The following PNN variants were observed in gnomAD, a reference collection of about 807,000 sequenced individuals.
PNN encodes pinin.
A neutral mutation model predicts 76.6 loss-of-function variants in PNN; 38 were observed. The observed-to-expected ratio is 0.50, with a 90% CI of 0.38 to 0.65. PNN has a LOEUF of 0.65. Among genes scored for constraint, PNN ranks in the 30% least tolerant of loss-of-function variants. The pLI, the probability that PNN is intolerant of heterozygous loss-of-function variation, is 0.00. For missense variants in PNN, 873 were observed against 874.1 expected, an observed-to-expected ratio of 1.00 and a Z score of 0.02; for synonymous variants, 366 against 283.7, an observed-to-expected ratio of 1.29 and a Z score of -2.91.
At position 39,177,583 on chromosome 14, in the gene PNN, T is replaced by A. The variant is rs866986463; in HGVS notation, c.328-10T>A. On this transcript the variant is annotated splice_polypyrimidine_tract_variant and intron_variant, in intron 4 of 8. Transcript: ENST00000216832. Reference sequence around the variant, plus strand: ...GCTAGTTAAATTACTGAGATTTTCTTTTTCTGCAGCCAGCATTGCAGTCTT... The same window carrying A: ...GCTAGTTAAATTACTGAGATTTTCTATTTCTGCAGCCAGCATTGCAGTCTT... 11 of 1,612,750 alleles carry A rather than the reference T, an allele frequency of 6.8e-6. No homozygotes were observed. In the African/African-American group the frequency reaches 1.3e-4, roughly 20 times the overall value.
At chr14:39,177,788 G>A in intron 5 of PNN, 53 bp from the exon 6 acceptor site, 1 of 1,481,560 alleles carries the variant, frequency 6.7e-7, no homozygotes, top group Non-Finnish European at 9.4e-7. Context: ...AAAATGATGG[G>A]TTTAAATGAA....
chr14:39,178,566 CT>C (rs966858344), intron 6 of PNN, among the ~76,000 whole-genome samples: 45 of 148,006 alleles, frequency 3.0e-4, no homozygotes, highest in Middle Eastern at 3.4e-3. Flanking sequence ...ATGCAGATAC[CT>C]TTTTTTTTTC....
chr14:39,179,380 A>G lies in PNN; in HGVS notation c.711A>G (p.Thr237=). ...AKIIKYIRTK[T]KPHLFYIPGR... is the part of the protein sequence containing the mutation. ...TAATTAAATATATAAGAACTAAGAC[A>G]AAGCCCCATTTGTTTTATATTCCTG... Residue 237 remains threonine, a synonymous_variant, in exon 8 of 9, where the codon ACA becomes ACG. Coordinates refer to ENST00000216832, the MANE Select transcript of PNN (RefSeq NM_002687.4). 6.2e-7 allele frequency: 1 copy of G among 1,611,790 alleles called. No homozygotes were observed. The highest frequency in any genetic ancestry group is 8.5e-7 in the Non-Finnish European group (1 of 1,178,006).
intron 8 of PNN, 102 bp from the exon 9 acceptor site, chr14:39,180,399 CAA>C (rs2053260395): frequency 7.9e-7 from 1 of 1,261,432 alleles, no homozygotes; most frequent in African/African-American, 1.5e-5. Context: ...TTTACAAAAA[CAA>C]ATTCAGATGA....
chr14:39,180,366 T>TTG, intron 8 of PNN, 137 bp from the exon 9 acceptor site: 1 of 843,174 alleles, frequency 1.2e-6, no homozygotes, highest in South Asian at 2.2e-5. Context: ...GGTTACTTAA[T>TTG]TGCCATAATC....
intron 8 of PNN, among the ~76,000 whole-genome samples, chr14:39,180,250 GA>G (rs1372738896): frequency 6.6e-6 from 1 of 152,126 alleles, no homozygotes; most frequent in Non-Finnish European, 1.5e-5. Flanking sequence ...CATAAAGATT[GA>G]TCTGTTTTCT....
intron 1 of PNN, chr14:39,175,766 C>T (rs577707829): frequency 2.1e-6 from 1 of 471,026 alleles, no homozygotes; most frequent in East Asian, 4.4e-5. Flanking sequence ...CGGGACGCAA[C>T]AAGCCGCCTT....
At chr14:39,179,059 G>T (rs1005853721) in intron 6 of PNN, 32 bp from the exon 7 acceptor site, 4 of 1,588,258 alleles carry the variant, frequency 2.5e-6, no homozygotes, top group Non-Finnish European at 2.6e-6. Context: ...ATTTCAACAC[G>T]TAAGTATTAA....
Position 39,179,087 on chromosome 14 carries a change from T to C in PNN, c.499-4T>C, listed in dbSNP as rs1342415632. 2 of 1,608,704 alleles carry C rather than the reference T, an allele frequency of 1.2e-6. No individual in the cohort carries two copies. Among genetic ancestry groups the C allele is most frequent in the Non-Finnish European group, 1.7e-6 (2 of 1,178,796 alleles). On this transcript the variant is annotated splice_region_variant and splice_polypyrimidine_tract_variant and intron_variant, in intron 6 of 8. Coordinates refer to ENST00000216832, the MANE Select transcript of PNN (RefSeq NM_002687.4). The stretch of plus-strand genomic sequence containing the variant: ...AGTATTAAAGCAGGCTACTTAACTT[T>C]TAGCAAAAGCGGCGCCAGGAAATTG...
Position 39,181,892 on chromosome 14 carries a change from C to A in PNN, c.*29C>A. On this transcript the variant is annotated 3_prime_UTR_variant, in exon 9 of 9. Transcript: ENST00000216832. ...AAGAAGCCAGGCTTTCTTAGCCATT[C>A]TTTGCAGCAGAAGATTTCTTGATAA... is the stretch of plus-strand genomic sequence containing the variant. The A allele has an allele frequency of 1.3e-6, 2 of 1,531,180 alleles. No individual in the cohort carries two copies. Among genetic ancestry groups the A allele is most frequent in the Non-Finnish European group, 1.7e-6 (2 of 1,148,082 alleles). The allele number at this position is 1,531,180 out of a possible 1,614,324, so 94.8% of individuals were successfully genotyped here. A position where few individuals can be genotyped will look rare whatever the true frequency, so the allele number is the denominator to read the frequency against.
At chr14:39,177,290 G>A in intron 3 of PNN, 122 bp from the exon 4 acceptor site, 1 of 730,864 alleles carries the variant, frequency 1.4e-6, no homozygotes, top group Non-Finnish European at 2.3e-6. Context: ...GGAGGATGAG[G>A]CAGGAGGATC....
intron 3 of PNN, 131 bp from the exon 4 acceptor site, chr14:39,177,281 G>T: frequency 1.5e-6 from 1 of 687,544 alleles, no homozygotes; most frequent in Non-Finnish European, 2.5e-6. Flanking sequence ...AGCTGCTTGG[G>T]AGGATGAGGC....
In PNN at chr14:39,177,430, G is replaced by A. The variant is rs1303545175; in HGVS notation, c.273G>A (p.Arg91=). 2 of 1,613,956 alleles carry A rather than the reference G, an allele frequency of 1.2e-6. No homozygotes were observed. Among genetic ancestry groups the A allele is most frequent in the Admixed American group, 3.3e-5 (2 of 60,012 alleles). ...ATGACAGGCTGGGCGGGGAGCGTCG[G>A]ACCAGAAGAGAATCACGCCAGGAAA... ...GAVSRLGGER[R]TRRESRQESD... The change falls in exon 4 of 9, where the codon CGG becomes CGA. Residue 91 remains arginine, a synonymous_variant. Coordinates refer to ENST00000216832, the MANE Select transcript of PNN (RefSeq NM_002687.4).
chr14:39,175,308 A>C lies in PNN; in HGVS notation c.29A>C (p.Glu10Ala). The C allele has an allele frequency of 6.2e-7, 1 of 1,609,994 alleles. No individual in the cohort carries two copies. Among genetic ancestry groups the C allele is most frequent in the African/African-American group, 1.3e-5 (1 of 74,832 alleles). The change falls in exon 1 of 9, where the codon GAA becomes GCA. Residue 10 changes from glutamate (E) to alanine (A), a missense_variant. Glu to Ala is a moderately radical substitution (Grantham distance 107). Transcript: ENST00000216832. MAVAVRTLQ[E>A]QLEKAKESLK... is the part of the protein sequence containing the mutation. ...GCGGTCGCCGTGAGAACTTTGCAGG[A>C]ACAGCTGGAAAAGGCCAAAGAGAGT...
At position 39,182,722 on chromosome 14, in the gene PNN, T is replaced by C. The variant is rs536087060; in HGVS notation, c.*859T>C. ...GTCTTAACTTTGTGTTGGCTCTAACTTAAACATGCTGATATGTGTTTTCAA... is the reference window on the plus strand; with the variant it reads ...GTCTTAACTTTGTGTTGGCTCTAACCTAAACATGCTGATATGTGTTTTCAA... On this transcript the variant is annotated 3_prime_UTR_variant, in exon 9 of 9. Transcript: ENST00000216832. 6.5e-6 allele frequency: 1 copy of C among 152,774 alleles called. No homozygotes were observed. The highest frequency in any genetic ancestry group is 2.1e-4 in the South Asian group (1 of 4,830). 9.5% of individuals were successfully genotyped at this position (152,774 alleles called of 1,614,324 possible). A position where few individuals can be genotyped will look rare whatever the true frequency, so the allele number is the denominator to read the frequency against.
intron 1 of PNN, 68 bp downstream of exon 1, chr14:39,175,460 G>T: frequency 1.1e-6 from 1 of 921,212 alleles, no homozygotes. Context: ...GGTGAATTGG[G>T]GGCGGGGAGG....
chr14:39,176,383 T>G, intron 2 of PNN, 144 bp from the exon 3 acceptor site: 1 of 676,862 alleles, frequency 1.5e-6, no homozygotes, highest in Non-Finnish European at 2.5e-6. Context: ...AAAGTAACAC[T>G]ATAAAAGCAT....
chr14:39,176,714 C>A, intron 3 of PNN, 119 bp downstream of exon 3: 5 of 657,388 alleles, frequency 7.6e-6, no homozygotes, highest in Non-Finnish European at 1.3e-5. Context: ...TATGCCACTC[C>A]CTGCCCCCCC....
chr14:39,175,660 G>A (rs1426765604), intron 1 of PNN: 2 of 507,126 alleles, frequency 3.9e-6, no homozygotes, highest in Non-Finnish European at 6.9e-6. Context: ...CCGGACTGCT[G>A]ATTCCCGCTC....
Sources: gnomAD v4.1 joint callset for allele counts (sites outside exome capture counted in the v4.1 genomes callset) on GRCh38, gnomAD v4.1.1 for gene constraint, MANE v1.5 for transcripts, NCBI Gene and HGNC (gene_info 2026-07-23, HGNC 2026-07-21) for gene names.